The following SLIT3 variants were observed in gnomAD, a reference collection of about 807,000 sequenced individuals.
The protein encoded by SLIT3 is slit guidance ligand 3, also known as slit homolog 3 protein.
Under a neutral mutation model 184.0 loss-of-function variants are expected in SLIT3, and 68 were observed. The ratio of observed to expected loss-of-function variants is 0.37; its 90% CI spans 0.30 to 0.45. The LOEUF (loss-of-function observed/expected upper bound fraction) is 0.45, where lower values mean the gene tolerates loss of function less well. SLIT3 is among the 20% of genes least tolerant of loss of function. The pLI, the probability that SLIT3 is intolerant of heterozygous loss-of-function variation, is 1.00. For synonymous variants in SLIT3, 831 were observed against 828.6 expected (o/e 1.00, Z -0.05); for missense variants, 1,707 against 2,026.0 (o/e 0.84, Z 3.02).
chr5:169,042,133 T>TAA (rs1757467824), intron 4 of SLIT3, among the ~76,000 whole-genome samples: 1 of 152,204 alleles, frequency 6.6e-6, no homozygotes, highest in Admixed American at 6.5e-5. Flanking sequence ...GTCCAGTTCA[T>TAA]AAGGGCCTAC....
chr5:168,862,166 A>G (rs1581156058), intron 5 of SLIT3, among the ~76,000 whole-genome samples: 1 of 152,216 alleles, frequency 6.6e-6, no homozygotes, highest in African/African-American at 2.4e-5. Flanking sequence ...TTAAGGCATG[A>G]CACAAAAGCA....
intron 4 of SLIT3, among the ~76,000 whole-genome samples, chr5:169,081,490 G>A (rs1482911270): frequency 1.3e-5 from 2 of 152,174 alleles, no homozygotes; most frequent in African/African-American, 4.8e-5. Flanking sequence ...CAAATGTGCA[G>A]GTGCTAATGG....
At chr5:169,081,914 G>A (rs1352108927) in intron 4 of SLIT3, among the ~76,000 whole-genome samples, 2 of 152,222 alleles carry the variant, frequency 1.3e-5, no homozygotes, top group Non-Finnish European at 2.9e-5. Context: ...GAGGGGCTAA[G>A]TGATTTGCCC....
chr5:168,680,040 C>A (rs1364010321), intron 32 of SLIT3, among the ~76,000 whole-genome samples: 1 of 152,222 alleles, frequency 6.6e-6, no homozygotes, highest in Non-Finnish European at 1.5e-5. Flanking sequence ...CACATAGAAA[C>A]CCCGGTGGTC....
intron 20 of SLIT3, among the ~76,000 whole-genome samples, chr5:168,738,763 C>A (rs1165435930): frequency 6.6e-6 from 1 of 151,984 alleles, no homozygotes; most frequent in Non-Finnish European, 1.5e-5. Context: ...ACGGTGAAAC[C>A]CCGTCTCTAC....
At chr5:168,995,645 CA>C (rs1048758229) in intron 4 of SLIT3, 2 of 152,204 alleles carry the variant, frequency 1.3e-5, no homozygotes, top group Admixed American at 1.3e-4. Flanking sequence ...GACACATTTG[CA>C]AAATAAACGG....
chr5:169,178,167 G>T (rs2113434834), intron 4 of SLIT3, among the ~76,000 whole-genome samples: 1 of 152,258 alleles, frequency 6.6e-6, no homozygotes, highest in South Asian at 2.1e-4. Context: ...ATCCCAGCTG[G>T]CCCAAACCAG....
At chr5:168,885,216 G>C (rs1221752902) in intron 4 of SLIT3, among the ~76,000 whole-genome samples, 1 of 152,216 alleles carries the variant, frequency 6.6e-6, no homozygotes, top group South Asian at 2.1e-4. Context: ...ACTTGGGGTA[G>C]AGTGCCGGTG....
intron 29 of SLIT3, among the ~76,000 whole-genome samples, chr5:168,691,024 T>C (rs1395663981): frequency 1.3e-5 from 2 of 152,208 alleles, no homozygotes; most frequent in African/African-American, 4.8e-5. Flanking sequence ...GTGGGGCTGC[T>C]TCTCTCCTCC....
intron 33 of SLIT3, among the ~76,000 whole-genome samples, chr5:168,672,864 G>A (rs1443576144): frequency 2.6e-5 from 4 of 152,186 alleles, no homozygotes; most frequent in Non-Finnish European, 2.9e-5. Context: ...GCAGAGCAGA[G>A]GGAATATGAC....
At chr5:169,216,856 C>A (rs978137540) in intron 3 of SLIT3, among the ~76,000 whole-genome samples, 1 of 152,060 alleles carries the variant, frequency 6.6e-6, no homozygotes, top group Non-Finnish European at 1.5e-5. Context: ...GGTTTGAAAC[C>A]GACTTATGAG....
intron 7 of SLIT3, among the ~76,000 whole-genome samples, chr5:168,819,930 A>C (rs1757467876): frequency 2.0e-5 from 3 of 152,222 alleles, no homozygotes; most frequent in African/African-American, 7.2e-5. Context: ...TCAAAAGCCC[A>C]GGGCAGTGGA....
intron 4 of SLIT3, among the ~76,000 whole-genome samples, chr5:169,136,072 G>A (rs1042724722): frequency 2.0e-5 from 3 of 152,114 alleles, no homozygotes; most frequent in Admixed American, 6.5e-5. Flanking sequence ...AACCAGAAGG[G>A]GAGAACTAGA....
chr5:169,151,202 C>T (rs1474737128), intron 4 of SLIT3, among the ~76,000 whole-genome samples: 2 of 152,148 alleles, frequency 1.3e-5, no homozygotes, highest in Non-Finnish European at 2.9e-5. Context: ...CCTTGCCTTG[C>T]CTTGACCATC....
chr5:169,283,637 A>T (rs1322008247), intron 1 of SLIT3, among the ~76,000 whole-genome samples: 1 of 152,320 alleles, frequency 6.6e-6, no homozygotes, highest in South Asian at 2.1e-4. Flanking sequence ...GTCTACTACA[A>T]TGGAGGGGAC....
rs1159778275 is a variant in SLIT3, at chr5:169,203,232, G to A, written c.342-9682C>T. Among the ~76,000 whole-genome samples the A allele has an allele frequency of 3.9e-5, 6 of 152,212 alleles. No individual in the cohort carries two copies. The South Asian group carries it at 1.0e-3, about 26-fold the overall frequency. On this transcript the variant is annotated intron_variant, in intron 3 of 35. Coordinates refer to ENST00000519560, the MANE Select transcript of SLIT3 (RefSeq NM_003062.4). ...ATCTAGGACTAAAGTCAAGGGCATG[G>A]GTCTCTGGGGAGCCCCAGAAGATTG... is the stretch of plus-strand genomic sequence containing the variant.
chr5:168,888,494 T>G (rs920739098), intron 4 of SLIT3, among the ~76,000 whole-genome samples: 1 of 152,196 alleles, frequency 6.6e-6, no homozygotes, highest in Admixed American at 6.5e-5. Flanking sequence ...TAAGAAGGCT[T>G]CGGGGATAGT....
rs72827673 is a variant in SLIT3 at position 168,824,093 on chromosome 5, C to T, written c.558-762G>A. Among the ~76,000 whole-genome samples, 22 of 152,150 alleles carry T rather than the reference C, an allele frequency of 1.4e-4. No individual in the cohort carries two copies. The East Asian group carries it at 2.5e-3, about 17-fold the overall frequency. On this transcript the variant is annotated intron_variant, in intron 6 of 35. Coordinates refer to ENST00000519560, the MANE Select transcript of SLIT3 (RefSeq NM_003062.4). ...CCTCTCAAGTAGCTGGAATTACAGG[C>T]GCCTGACTAATTTTTGTATTTTTAG...
At chr5:169,291,102 C>T (rs1230887791) in intron 1 of SLIT3, among the ~76,000 whole-genome samples, 2 of 152,082 alleles carry the variant, frequency 1.3e-5, no homozygotes, top group Non-Finnish European at 2.9e-5. Flanking sequence ...TGAGCCCACA[C>T]AAGCAGTGAT....
Sources: allele counts gnomAD v4.1 joint callset (sites outside exome capture counted in the v4.1 genomes callset), GRCh38; gene constraint gnomAD v4.1.1; transcripts MANE v1.5; gene names NCBI Gene and HGNC (gene_info 2026-07-23, HGNC 2026-07-21).